Variants in CLIC6 observed in about 807,000 individuals in gnomAD.
The protein encoded by CLIC6 is chloride intracellular channel protein 6.
In CLIC6, 39 loss-of-function variants were observed where a neutral mutation model predicts 49.2. The ratio of observed to expected loss-of-function variants is 0.79; its 90% CI spans 0.61 to 1.04. The LOEUF (loss-of-function observed/expected upper bound fraction) is 1.04. Ranked by LOEUF, CLIC6 falls within the 50% of genes least tolerant of loss-of-function variation. CLIC6 has a pLI of 0.00. For missense variants in CLIC6, 988 were observed against 993.1 expected, an observed-to-expected ratio of 0.99 and a Z score of 0.07; for synonymous variants, 446 against 433.4, an observed-to-expected ratio of 1.03 and a Z score of -0.36.
intron 1 of CLIC6, among the ~76,000 whole-genome samples, chr21:34,683,199 CT>C (rs1989815556): frequency 6.6e-6 from 1 of 152,104 alleles, no homozygotes; most frequent in Non-Finnish European, 1.5e-5. Flanking sequence ...GTAAGAATCC[CT>C]TTTCAAAACA....
At chr21:34,715,571 C>A (rs2056081171) in intron 5 of CLIC6, among the ~76,000 whole-genome samples, 1 of 152,172 alleles carries the variant, frequency 6.6e-6, no homozygotes, top group Non-Finnish European at 1.5e-5. Flanking sequence ...TTGTTCTAAG[C>A]CTCCCAGCAT....
At chr21:34,706,223 C>A in intron 1 of CLIC6, 1 of 505,904 alleles carries the variant, frequency 2.0e-6, no homozygotes, top group South Asian at 3.4e-5. Context: ...GGAGCAGGCA[C>A]GTCACATGGC....
At chr21:34,702,075 G>T (rs1468293346) in intron 1 of CLIC6, among the ~76,000 whole-genome samples, 3 of 152,166 alleles carry the variant, frequency 2.0e-5, no homozygotes, top group African/African-American at 7.2e-5. Context: ...CTTTCTACGG[G>T]GGACCCGGCC....
chr21:34,681,502 C>A (rs751669137), intron 1 of CLIC6, among the ~76,000 whole-genome samples: 8 of 152,166 alleles, frequency 5.3e-5, no homozygotes, highest in Non-Finnish European at 8.8e-5. Context: ...GCTGTGGTTT[C>A]ATCAGAAGGA....
Position 34,706,113 on chromosome 21 carries a change from G to A in CLIC6, c.1375-1167G>A, listed in dbSNP as rs1174648552. 12 of 663,106 alleles carry A rather than the reference G, an allele frequency of 1.8e-5. No homozygotes were observed. In the East Asian group the frequency reaches 3.3e-4, roughly 18 times the overall value. 41.1% of individuals were successfully genotyped at this position (663,106 alleles called of 1,614,324 possible). On this transcript the variant is annotated intron_variant, in intron 1 of 5. Transcript: ENST00000349499. ...ATTTATAAAGAAAAGAGGCTGAATT[G>A]GCTCAAATGCTGCAGGCTTTGTAGG...
chr21:34,705,446 C>T (rs2834596), intron 1 of CLIC6, among the ~76,000 whole-genome samples: 26,763 of 152,096 alleles, frequency 0.18, 2,646 homozygotes, highest in African/African-American at 0.27. Flanking sequence ...CAGGGCCCAT[C>T]TGCCGGGACT....
chr21:34,675,202 A>G (rs1989638157), intron 1 of CLIC6, among the ~76,000 whole-genome samples: 1 of 151,364 alleles, frequency 6.6e-6, no homozygotes, highest in African/African-American at 2.4e-5. Flanking sequence ...CTCAAGAAGG[A>G]CATGGCCTTT....
At chr21:34,686,305 G>A (rs1176216004) in intron 1 of CLIC6, among the ~76,000 whole-genome samples, 2 of 152,160 alleles carry the variant, frequency 1.3e-5, no homozygotes, top group East Asian at 1.9e-4. Context: ...GGTGGCTGAG[G>A]CAGAAGAATC....
intron 1 of CLIC6, among the ~76,000 whole-genome samples, chr21:34,700,896 A>G (rs1990176393): frequency 7.2e-6 from 1 of 139,604 alleles, no homozygotes. Context: ...ACCTTTCACA[A>G]GAGGTTTGTC....
At chr21:34,674,268 T>G (rs1016891149) in intron 1 of CLIC6, among the ~76,000 whole-genome samples, 3 of 152,134 alleles carry the variant, frequency 2.0e-5, no homozygotes, top group Non-Finnish European at 4.4e-5. Flanking sequence ...TCAAAAAAAT[T>G]TTTGTAGAGA....
chr21:34,676,170 A>G (rs1021959222), intron 1 of CLIC6, among the ~76,000 whole-genome samples: 21 of 152,272 alleles, frequency 1.4e-4, no homozygotes, highest in African/African-American at 4.6e-4. Flanking sequence ...CCCACAGAAA[A>G]CCTTCAGAAA....
chr21:34,692,795 C>T (rs1251212707), intron 1 of CLIC6, among the ~76,000 whole-genome samples: 1 of 152,196 alleles, frequency 6.6e-6, no homozygotes, highest in Non-Finnish European at 1.5e-5. Context: ...GCAGGTGCCT[C>T]CCCGGACCCC....
At chr21:34,676,304 A>T (rs914389164) in intron 1 of CLIC6, among the ~76,000 whole-genome samples, 4 of 152,066 alleles carry the variant, frequency 2.6e-5, no homozygotes, top group African/African-American at 9.7e-5. Context: ...GCTCAGAGGG[A>T]TCCTCATGCT....
At chr21:34,670,966 T>C (rs1430277455) in intron 1 of CLIC6, among the ~76,000 whole-genome samples, 4 of 151,252 alleles carry the variant, frequency 2.6e-5, no homozygotes, top group African/African-American at 4.9e-5. Context: ...ACTCAATGGT[T>C]TGGAAGCAAA....
chr21:34,711,409 G>A (rs967259596), intron 5 of CLIC6, among the ~76,000 whole-genome samples: 15 of 152,124 alleles, frequency 9.9e-5, no homozygotes, highest in African/African-American at 3.1e-4. Context: ...GTGTGCGCCT[G>A]TAGTCCCATG....
chr21:34,699,588 T>G (rs541328839), intron 1 of CLIC6, among the ~76,000 whole-genome samples: 5 of 152,148 alleles, frequency 3.3e-5, no homozygotes, highest in African/African-American at 1.2e-4. Flanking sequence ...TAAAGTCACC[T>G]TAGAAATTGT....
intron 1 of CLIC6, among the ~76,000 whole-genome samples, chr21:34,704,489 G>A (rs2056001066): frequency 6.6e-6 from 1 of 152,190 alleles, no homozygotes; most frequent in East Asian, 1.9e-4. Flanking sequence ...AATTCTAAAT[G>A]CCTAACAGCC....
chr21:34,669,788 G>A lies in CLIC6; in HGVS notation c.400G>A (p.Ala134Thr). The change falls in exon 1 of 6, where the codon GCC (alanine) becomes ACC (threonine). Residue 134 changes from alanine to threonine, a missense_variant. Around this residue, in one of 3 missense-constraint regions of CLIC6, gnomAD observed 284 missense variants for 278.6 expected, o/e 1.02. Transcript: ENST00000349499. ...TCAGAGGGAGCCCGAGGACTCTGCG[G>A]CCCCCGAGAGGCAGGAGGAGGCGGA... ...EAQREPEDSA[A>T]PERQEEAEQR... 2.1e-6 allele frequency: 3 copies of A among 1,423,872 alleles called. No individual in the cohort carries two copies. Among genetic ancestry groups the A allele is most frequent in the East Asian group, 2.9e-5 (1 of 34,404 alleles). 88.2% of individuals were successfully genotyped at this position (1,423,872 alleles called of 1,614,324 possible).
In CLIC6 at chr21:34,716,534, A is replaced by C. The variant is rs1459026824; in HGVS notation, c.*52A>C. The C allele has an allele frequency of 1.4e-6, 2 of 1,474,492 alleles. No homozygotes were observed. Among genetic ancestry groups the C allele is most frequent in the Non-Finnish European group, 1.8e-6 (2 of 1,096,034 alleles). 91.3% of individuals were successfully genotyped at this position (1,474,492 alleles called of 1,614,324 possible). ...TCAGTTGAGTGAGCAAGGATACGAA[A>C]ACAGTGTGTTTGAAAACAAATTAGG... On this transcript the variant is annotated 3_prime_UTR_variant, in exon 6 of 6. Coordinates refer to ENST00000349499, the MANE Select transcript of CLIC6 (RefSeq NM_053277.3).
Sources: gnomAD v4.1 joint callset for allele counts (sites outside exome capture counted in the v4.1 genomes callset) on GRCh38, gnomAD v4.1.1 for gene constraint, gnomAD v4.1.1 regional missense constraint, MANE v1.5 for transcripts, NCBI Gene and HGNC (gene_info 2026-07-23, HGNC 2026-07-21) for gene names.